The following TACC1 variants were observed in gnomAD, a reference collection of about 807,000 sequenced individuals.
TACC1 encodes transforming acidic coiled-coil containing protein 1.
TACC1 carries 48 observed loss-of-function variants against 84.4 expected under a neutral mutation model. That is an observed-to-expected ratio of 0.57 (90% CI 0.45 to 0.72). The LOEUF is 0.72. TACC1 is among the 30% of genes least tolerant of loss of function. TACC1 has a pLI of 0.00. For missense variants in TACC1, 920 were observed against 973.0 expected, an observed-to-expected ratio of 0.95 and a Z score of 0.72; for synonymous variants, 372 against 376.3, an observed-to-expected ratio of 0.99 and a Z score of 0.13.
chr8:38,820,852 C>G (rs1826620512), intron 3 of TACC1, among the ~76,000 whole-genome samples: 1 of 152,064 alleles, frequency 6.6e-6, no homozygotes, highest in South Asian at 2.1e-4. Flanking sequence ...TGTCTTTTTT[C>G]TGAATCCTTA....
intron 1 of TACC1, among the ~76,000 whole-genome samples, chr8:38,738,203 C>T (rs964409888): frequency 1.3e-5 from 2 of 151,632 alleles, no homozygotes; most frequent in African/African-American, 4.8e-5. Context: ...GAGTTCAAGA[C>T]CAGCCTGGGC....
intron 3 of TACC1, among the ~76,000 whole-genome samples, chr8:38,746,274 G>T (rs1808073611): frequency 6.6e-6 from 1 of 152,184 alleles, no homozygotes; most frequent in Non-Finnish European, 1.5e-5. Context: ...ATACAATGAA[G>T]AAGAGCCAAA....
At chr8:38,845,169 C>T (rs1012766938) in intron 11 of TACC1, among the ~76,000 whole-genome samples, 2 of 152,226 alleles carry the variant, frequency 1.3e-5, no homozygotes, top group Admixed American at 6.5e-5. Flanking sequence ...AAGTGATCCG[C>T]CCGCCTCGGT....
chr8:38,805,066 G>T (rs959288729), intron 2 of TACC1, among the ~76,000 whole-genome samples: 82 of 152,264 alleles, frequency 5.4e-4, no homozygotes, highest in African/African-American at 1.9e-3. Context: ...GGCTCAAAGG[G>T]CATCAGTGCC....
At chr8:38,840,188 C>T in intron 8 of TACC1, 36 bp from the exon 9 acceptor site, 3 of 1,531,998 alleles carry the variant, frequency 2.0e-6, no homozygotes, top group Non-Finnish European at 1.8e-6. Flanking sequence ...GTCTGAAAAT[C>T]CTCCTCTGGT....
chr8:38,823,602 A>G (rs1827352941), intron 3 of TACC1, among the ~76,000 whole-genome samples: 1 of 152,108 alleles, frequency 6.6e-6, no homozygotes, highest in Non-Finnish European at 1.5e-5. Context: ...TTTTTCCCCT[A>G]TTCTGTTTTT....
intron 3 of TACC1, among the ~76,000 whole-genome samples, chr8:38,778,209 G>A (rs1405112380): frequency 6.6e-6 from 1 of 152,030 alleles, no homozygotes. Flanking sequence ...GTCTCCCAAA[G>A]TGTTGGGATT....
intron 3 of TACC1, among the ~76,000 whole-genome samples, chr8:38,772,074 G>T (rs1428421590): frequency 1.3e-5 from 2 of 152,078 alleles, no homozygotes; most frequent in African/African-American, 4.8e-5. Context: ...AGGCAGGCAA[G>T]CAGGCAATGC....
At chr8:38,822,483 G>C (rs906868844) in intron 3 of TACC1, among the ~76,000 whole-genome samples, 2 of 152,102 alleles carry the variant, frequency 1.3e-5, no homozygotes, top group Non-Finnish European at 2.9e-5. Context: ...GTACACTACT[G>C]TAGCTTCTAT....
At chr8:38,783,621 A>G (rs532721204), upstream of TACC1, among the ~76,000 whole-genome samples, 8 of 152,188 alleles carry the variant, frequency 5.3e-5, no homozygotes, top group East Asian at 1.2e-3. Context: ...GAGTTTCACC[A>G]TGTTGGCCAG....
At position 38,830,773 on chromosome 8, in the gene TACC1, TA is replaced by T. The variant is rs565833606; in HGVS notation, c.1661-344del. Among the ~76,000 whole-genome samples the T allele has an allele frequency of 5.2e-3, 788 of 152,178 alleles. 8 individuals are homozygous for T. The highest frequency in any genetic ancestry group is 6.3e-3 in the Non-Finnish European group (430 of 67,994). ...TTTAAATTCACTCCGACTTGATGAT[TA>T]AAAAAAAGCATTCAGTGTTACACAG... On this transcript the variant is annotated intron_variant, in intron 5 of 12. Coordinates refer to ENST00000317827, the MANE Select transcript of TACC1 (RefSeq NM_006283.3).
At chr8:38,810,174 G>GATACCACCTATGATCATGTCATT (rs1379393606) in intron 2 of TACC1, among the ~76,000 whole-genome samples, 2 of 151,250 alleles carry the variant, frequency 1.3e-5, no homozygotes, top group African/African-American at 4.9e-5. Context: ...ATCATGTCAT[G>GATACCACCTATGATCATGTCATT]ATACCACCTA....
At chr8:38,749,649 T>G (rs908723603) in intron 3 of TACC1, among the ~76,000 whole-genome samples, 1 of 152,152 alleles carries the variant, frequency 6.6e-6, no homozygotes, top group Non-Finnish European at 1.5e-5. Flanking sequence ...TGGAGTGCAG[T>G]GGTGTGATCT....
chr8:38,740,021 G>C (rs550280719), intron 1 of TACC1, among the ~76,000 whole-genome samples: 32 of 152,350 alleles, frequency 2.1e-4, no homozygotes, highest in South Asian at 6.2e-4. Context: ...AGAAGAGACA[G>C]ACCCAGAAGG....
At chr8:38,747,227 AAC>A (rs1263903614) in intron 3 of TACC1, among the ~76,000 whole-genome samples, 2 of 152,272 alleles carry the variant, frequency 1.3e-5, no homozygotes, top group Non-Finnish European at 2.9e-5. Context: ...GATGTGGAAC[AAC>A]AGAAACTGTC....
chr8:38,775,250 G>T (rs1029087110), intron 3 of TACC1, among the ~76,000 whole-genome samples: 31 of 152,100 alleles, frequency 2.0e-4, no homozygotes, highest in African/African-American at 6.5e-4. Flanking sequence ...TGTGCACTTT[G>T]GTGCCTGAGT....
At chr8:38,775,149 T>C (rs541435223) in intron 3 of TACC1, among the ~76,000 whole-genome samples, 2 of 152,308 alleles carry the variant, frequency 1.3e-5, no homozygotes, top group South Asian at 2.1e-4. Context: ...ATCTCTATTA[T>C]ACATACCAAG....
chr8:38,847,512 C>G (rs182377254), intron 12 of TACC1, among the ~76,000 whole-genome samples: 9 of 152,176 alleles, frequency 5.9e-5, no homozygotes, highest in African/African-American at 2.2e-4. Flanking sequence ...GTACTCATAC[C>G]TGTGCCATCC....
intron 2 of TACC1, among the ~76,000 whole-genome samples, chr8:38,813,912 G>C (rs1824833322): frequency 6.6e-6 from 1 of 152,170 alleles, no homozygotes. Flanking sequence ...GCGTTTCATA[G>C]AAATTAAGCT....
Sources: allele counts gnomAD v4.1 joint callset (sites outside exome capture counted in the v4.1 genomes callset), GRCh38; gene constraint gnomAD v4.1.1; transcripts MANE v1.5; gene names NCBI Gene and HGNC (gene_info 2026-07-23, HGNC 2026-07-21).